The following KIAA1549L variants were observed in gnomAD, a reference collection of about 807,000 sequenced individuals.
KIAA1549L encodes KIAA1549 like, also known as UPF0606 protein KIAA1549L.
A neutral mutation model predicts 160.7 loss-of-function variants in KIAA1549L; 88 were observed. That is an observed-to-expected ratio of 0.55 (90% confidence interval 0.46 to 0.65). KIAA1549L has a LOEUF of 0.65. Ranked by LOEUF, KIAA1549L falls within the 30% of genes least tolerant of loss-of-function variation. The pLI is 0.00. For missense variants in KIAA1549L, 2,258 were observed against 2,437.5 expected, an observed-to-expected ratio of 0.93 and a Z score of 1.55; for synonymous variants, 950 against 976.7, an observed-to-expected ratio of 0.97 and a Z score of 0.51.
chr11:33,425,676 G>A (rs1018688724), intron 1 of KIAA1549L, among the ~76,000 whole-genome samples: 3 of 152,086 alleles, frequency 2.0e-5, no homozygotes, highest in African/African-American at 4.8e-5. Context: ...GCTTATTTCC[G>A]CTATTATTAG....
At chr11:33,649,756 G>A (rs185269031) in intron 17 of KIAA1549L, among the ~76,000 whole-genome samples, 56 of 151,174 alleles carry the variant, frequency 3.7e-4, no homozygotes, top group Middle Eastern at 3.4e-3. Context: ...AAGAAGTGTT[G>A]CATTTCTGCA....
chr11:33,453,007 G>A (rs1015063826), intron 1 of KIAA1549L, among the ~76,000 whole-genome samples: 4 of 152,222 alleles, frequency 2.6e-5, no homozygotes, highest in African/African-American at 9.6e-5. Flanking sequence ...TTATGCTTAA[G>A]AAGGAATCTT....
At chr11:33,549,013 T>C (rs1173435885) in intron 4 of KIAA1549L, among the ~76,000 whole-genome samples, 1 of 152,258 alleles carries the variant, frequency 6.6e-6, no homozygotes, top group Non-Finnish European at 1.5e-5. Flanking sequence ...CCAGAAACTT[T>C]ATGGGAAGTT....
intron 1 of KIAA1549L, among the ~76,000 whole-genome samples, chr11:33,417,067 CAGCCACATG>C (rs1850903566): frequency 1.3e-5 from 2 of 152,186 alleles, no homozygotes; most frequent in Non-Finnish European, 2.9e-5. Context: ...CAGAAGCCAC[CAGCCACATG>C]TGGCTATTCA....
chr11:33,494,156 T>G (rs1852760254), intron 1 of KIAA1549L, among the ~76,000 whole-genome samples: 1 of 152,226 alleles, frequency 6.6e-6, no homozygotes, highest in Non-Finnish European at 1.5e-5. Context: ...ATGCTCAGAT[T>G]ACTGAAGTTT....
At chr11:33,383,642 C>T (rs962822392) in intron 1 of KIAA1549L, among the ~76,000 whole-genome samples, 27 of 152,272 alleles carry the variant, frequency 1.8e-4, no homozygotes, top group Admixed American at 4.6e-4. Context: ...TGCTCTCAGG[C>T]AGCCCGTGGT....
Position 33,547,780 on chromosome 11 carries a change from A to G in KIAA1549L, c.3402A>G (p.Gln1134=). ...ACCCCACAGTTCTCTTTCTCACCCA[A>G]AGGAGAGTGCAGATCAGTGAATCCT... The part of the protein sequence containing the change: ...LLVKTVLFLT[Q]RRVQISESLK... The change falls in exon 4 of 21, where the codon CAA becomes CAG. Residue 1134 remains glutamine (Q), a synonymous_variant. Coordinates refer to ENST00000658780, the MANE Select transcript of KIAA1549L (RefSeq NM_012194.3). The G allele has an allele frequency of 3.1e-6, 5 of 1,612,014 alleles. No individual in the cohort carries two copies. The highest frequency in any genetic ancestry group is 4.2e-6 in the Non-Finnish European group (5 of 1,178,432).
At chr11:33,608,219 T>C (rs908792735) in intron 14 of KIAA1549L, among the ~76,000 whole-genome samples, 4 of 152,246 alleles carry the variant, frequency 2.6e-5, no homozygotes, top group Non-Finnish European at 4.4e-5. Context: ...GTTTATAAAA[T>C]AGGGCTGCTG....
At chr11:33,488,998 C>A (rs1852594289) in intron 1 of KIAA1549L, among the ~76,000 whole-genome samples, 1 of 152,214 alleles carries the variant, frequency 6.6e-6, no homozygotes, top group Non-Finnish European at 1.5e-5. Context: ...GTTGTTAAAT[C>A]CTCACAACAA....
At chr11:33,409,147 G>A (rs1850736346) in intron 1 of KIAA1549L, among the ~76,000 whole-genome samples, 2 of 151,498 alleles carry the variant, frequency 1.3e-5, no homozygotes, top group South Asian at 2.1e-4. Flanking sequence ...TTTTTTGGAA[G>A]CGTTTACAAA....
intron 6 of KIAA1549L, among the ~76,000 whole-genome samples, chr11:33,557,721 T>C (rs1854695507): frequency 6.6e-6 from 1 of 152,136 alleles, no homozygotes; most frequent in South Asian, 2.1e-4. Flanking sequence ...ATACTGTTTC[T>C]ACAAAAATGA....
intron 6 of KIAA1549L, among the ~76,000 whole-genome samples, chr11:33,558,339 G>C (rs980652127): frequency 6.6e-6 from 1 of 152,170 alleles, no homozygotes; most frequent in African/African-American, 2.4e-5. Flanking sequence ...GATGGGGTGA[G>C]TGCGGGGTTC....
intron 17 of KIAA1549L, among the ~76,000 whole-genome samples, chr11:33,649,875 A>C (rs1283937927): frequency 6.6e-6 from 1 of 151,546 alleles, no homozygotes; most frequent in African/African-American, 2.4e-5. Flanking sequence ...AAAAAAAAAA[A>C]AGGAAAGAAA....
chr11:33,581,942 A>T (rs1565196585), intron 10 of KIAA1549L, among the ~76,000 whole-genome samples: 1 of 152,006 alleles, frequency 6.6e-6, no homozygotes, highest in Admixed American at 6.6e-5. Context: ...TCTTGCTAAT[A>T]AAAAAAAGCA....
chr11:33,664,675 A>G (rs1852380983), intron 20 of KIAA1549L, among the ~76,000 whole-genome samples: 1 of 152,228 alleles, frequency 6.6e-6, no homozygotes, highest in African/African-American at 2.4e-5. Context: ...GATAGTGAAA[A>G]GAAAGACAGC....
chr11:33,656,396 T>C (rs1852066329), intron 18 of KIAA1549L, among the ~76,000 whole-genome samples: 1 of 152,152 alleles, frequency 6.6e-6, no homozygotes, highest in Non-Finnish European at 1.5e-5. Flanking sequence ...CTTGAACATC[T>C]AAAAATGACT....
rs921058778 is a variant in KIAA1549L, at chr11:33,531,305, T to G, written c.239-10497T>G. Among the ~76,000 whole-genome samples the G allele has an allele frequency of 7.9e-5, 12 of 152,080 alleles. No individual in the cohort carries two copies. The East Asian group carries it at 9.6e-4, about 12-fold the overall frequency. The stretch of plus-strand genomic sequence containing the variant: ...CTAATCAATATGGTAAAACCCCGTC[T>G]CTACTAAAAATACAAAAAATTTAGC... On this transcript the variant is annotated intron_variant, in intron 1 of 20. Coordinates refer to ENST00000658780, the MANE Select transcript of KIAA1549L (RefSeq NM_012194.3).
chr11:33,409,935 A>G (rs1284882240), intron 1 of KIAA1549L, among the ~76,000 whole-genome samples: 2 of 152,234 alleles, frequency 1.3e-5, no homozygotes, highest in East Asian at 3.9e-4. Flanking sequence ...AAAAATCCAC[A>G]AGGGAGTCTG....
At chr11:33,484,318 T>G (rs1852475220) in intron 1 of KIAA1549L, among the ~76,000 whole-genome samples, 1 of 152,192 alleles carries the variant, frequency 6.6e-6, no homozygotes, top group Non-Finnish European at 1.5e-5. Context: ...TCTTTTAAGA[T>G]CTCAGTATCA....
Sources: gnomAD v4.1 joint callset for allele counts (sites outside exome capture counted in the v4.1 genomes callset) on GRCh38, gnomAD v4.1.1 for gene constraint, MANE v1.5 for transcripts, NCBI Gene and HGNC (gene_info 2026-07-23, HGNC 2026-07-21) for gene names.